The following SEZ6L variants were observed in gnomAD, a reference collection of about 807,000 sequenced individuals.
SEZ6L encodes the protein seizure related 6 homolog like.
A neutral mutation model predicts 106.2 loss-of-function variants in SEZ6L; 37 were observed. The observed-to-expected ratio is 0.35, with a 90% CI of 0.27 to 0.46. The LOEUF (loss-of-function observed/expected upper bound fraction) is 0.46. SEZ6L is among the 20% of genes least tolerant of loss of function. The pLI is 1.00. For synonymous variants in SEZ6L, 541 were observed against 570.4 expected, an observed-to-expected ratio of 0.95 and a Z score of 0.73; for missense variants, 1,172 against 1,332.8, an observed-to-expected ratio of 0.88 and a Z score of 1.88.
At position 26,340,618 on chromosome 22, in the gene SEZ6L, T is replaced by C; in HGVS notation, c.2198T>C (p.Ile733Thr). The C allele has an allele frequency of 6.2e-7, 1 of 1,613,700 alleles. No homozygotes were observed. The highest frequency in any genetic ancestry group is 8.5e-7 in the Non-Finnish European group (1 of 1,179,812). ...GLIFGKGQGF[I>T]MNYIEVSRND... ...ATCTTTGGAAAGGGCCAGGGATTTA[T>C]CATGAACTACATAGGTAGGTGTCTC... Residue 733 changes from isoleucine (I) to threonine (T), a missense_variant, in exon 10 of 17, where the codon ATC becomes ACC. Physicochemically the swap from Ile to Thr is moderately conservative, Grantham distance 89. This residue lies in a region of SEZ6L where 534 missense variants were observed against 691.0 expected (regional missense o/e 0.77). Transcript: ENST00000248933.
intron 1 of SEZ6L, among the ~76,000 whole-genome samples, chr22:26,256,461 G>A (rs75925535): frequency 0.13 from 19,812 of 152,258 alleles, 1,738 homozygotes; most frequent in East Asian, 0.35. Context: ...CCCATGGCTT[G>A]CTCTGTGCCA....
chr22:26,313,446 G>GTCC (rs1569458641), intron 8 of SEZ6L, among the ~76,000 whole-genome samples: 1 of 152,160 alleles, frequency 6.6e-6, no homozygotes, highest in Non-Finnish European at 1.5e-5. Flanking sequence ...AGCAGAGGCT[G>GTCC]TTGAGGAGTC....
chr22:26,270,434 C>G (rs1222333853), intron 1 of SEZ6L, among the ~76,000 whole-genome samples: 1 of 150,202 alleles, frequency 6.7e-6, no homozygotes, highest in Non-Finnish European at 1.5e-5. Context: ...ATTTGGGGAA[C>G]AGAGATGTTG....
At chr22:26,169,795 G>A in intron 1 of SEZ6L, 32 bp downstream of exon 1, 1 of 1,150,132 alleles carries the variant, frequency 8.7e-7, no homozygotes, top group Non-Finnish European at 1.1e-6. Flanking sequence ...GCGGGCAGGG[G>A]GCAAAGTTGC....
In SEZ6L at chr22:26,313,929, TAATTTGGCA is replaced by T. The variant is rs142767004; in HGVS notation, c.2015+30_2015+38del. The T allele has an allele frequency of 3.1e-3, 4,920 of 1,583,630 alleles. 132 individuals carry two copies. The East Asian group carries it at 0.062, about 20-fold the overall frequency. On this transcript the variant is annotated intron_variant, in intron 9 of 16. Coordinates refer to ENST00000248933, the MANE Select transcript of SEZ6L (RefSeq NM_021115.5). ...TGAGTGTTTAAAATGGGTGGCCCTCTAATTTGGCAAAATTTGGGAGATTGAGAAAGAAAT... is the reference window on the plus strand; with the variant it reads ...TGAGTGTTTAAAATGGGTGGCCCTCTAAATTTGGGAGATTGAGAAAGAAAT...
At chr22:26,205,846 CT>C (rs1260336870) in intron 1 of SEZ6L, among the ~76,000 whole-genome samples, 1 of 152,132 alleles carries the variant, frequency 6.6e-6, no homozygotes, top group African/African-American at 2.4e-5. Flanking sequence ...TTCCCAGTGA[CT>C]AGCTAGTAGT....
chr22:26,172,548 T>C (rs977223675), intron 1 of SEZ6L, among the ~76,000 whole-genome samples: 1 of 152,214 alleles, frequency 6.6e-6, no homozygotes, highest in African/African-American at 2.4e-5. Context: ...AGAGACAATT[T>C]ATCCAATATA....
chr22:26,334,035 C>A (rs1359969818), intron 9 of SEZ6L, among the ~76,000 whole-genome samples: 3 of 151,946 alleles, frequency 2.0e-5, no homozygotes, highest in African/African-American at 7.3e-5. Flanking sequence ...GGCGGCAATG[C>A]AAAAGATAGA....
intron 10 of SEZ6L, among the ~76,000 whole-genome samples, chr22:26,342,932 G>C (rs1027502726): frequency 6.6e-6 from 1 of 152,150 alleles, no homozygotes; most frequent in African/African-American, 2.4e-5. Flanking sequence ...TTTATTTCCA[G>C]ATGGTGAACA....
Position 26,381,055 on chromosome 22 carries a change from G to T in SEZ6L, c.*760G>T, listed in dbSNP as rs183208392. The T allele has an allele frequency of 6.6e-6, 1 of 152,220 alleles. No individual in the cohort carries two copies. Among genetic ancestry groups the T allele is most frequent in the Non-Finnish European group, 1.5e-5 (1 of 68,018 alleles). 9.4% of individuals were successfully genotyped at this position (152,220 alleles called of 1,614,324 possible). A position where few individuals can be genotyped will look rare whatever the true frequency, so the allele number is the denominator to read the frequency against. ...GGGGATCATTGGGTAAGGGAATTGG[G>T]TTAAAATGTTCTTTTCTTTGACACT... On this transcript the variant is annotated 3_prime_UTR_variant, in exon 17 of 17. Transcript: ENST00000248933.
At chr22:26,375,718 C>T in intron 15 of SEZ6L, 29 bp downstream of exon 15, 2 of 1,552,922 alleles carry the variant, frequency 1.3e-6, no homozygotes, top group Non-Finnish European at 1.8e-6. Context: ...AGATGACTGC[C>T]AAGCACCCAG....
At chr22:26,239,411 C>T (rs1260749617) in intron 1 of SEZ6L, among the ~76,000 whole-genome samples, 1 of 152,186 alleles carries the variant, frequency 6.6e-6, no homozygotes, top group Non-Finnish European at 1.5e-5. Context: ...GGTTCTGCAC[C>T]CTCTTGTTCA....
chr22:26,255,849 G>A (rs1030442570), intron 1 of SEZ6L, among the ~76,000 whole-genome samples: 5 of 152,206 alleles, frequency 3.3e-5, no homozygotes, highest in African/African-American at 7.2e-5. Flanking sequence ...CTCTGCCTTC[G>A]TGGAGCAGAC....
chr22:26,327,328 A>C (rs1165935356), intron 9 of SEZ6L, among the ~76,000 whole-genome samples: 35 of 124,988 alleles, frequency 2.8e-4, no homozygotes, highest in African/African-American at 9.2e-4. Context: ...CACCACACAC[A>C]CCCCCACACA....
chr22:26,289,298 C>T (rs1384459353), intron 1 of SEZ6L, among the ~76,000 whole-genome samples: 1 of 151,642 alleles, frequency 6.6e-6, no homozygotes, highest in Non-Finnish European at 1.5e-5. Flanking sequence ...CCACAGTCTA[C>T]AAAGATGGTC....
chr22:26,368,574 T>A (rs1197442240), intron 13 of SEZ6L, among the ~76,000 whole-genome samples: 1 of 151,812 alleles, frequency 6.6e-6, no homozygotes, highest in Admixed American at 6.6e-5. Flanking sequence ...GAAAGCAGAG[T>A]CGTGGTTGTC....
intron 1 of SEZ6L, among the ~76,000 whole-genome samples, chr22:26,178,129 G>A (rs1443682980): frequency 3.3e-5 from 5 of 152,206 alleles, no homozygotes; most frequent in South Asian, 4.1e-4. Context: ...TTACCCACAT[G>A]GGACATTTAC....
At chr22:26,294,907 TCC>T (rs2145889201) in intron 3 of SEZ6L, among the ~76,000 whole-genome samples, 16 of 145,104 alleles carry the variant, frequency 1.1e-4, no homozygotes, top group African/African-American at 4.2e-4. Flanking sequence ...CTTGCTTGCT[TCC>T]TGCTTTCTTG....
At chr22:26,245,524 C>G (rs1280654254) in intron 1 of SEZ6L, among the ~76,000 whole-genome samples, 1 of 152,162 alleles carries the variant, frequency 6.6e-6, no homozygotes, top group Non-Finnish European at 1.5e-5. Flanking sequence ...GGAAAATGGG[C>G]TGACCTGATG....
Sources: gnomAD v4.1 joint callset for allele counts (sites outside exome capture counted in the v4.1 genomes callset) on GRCh38, gnomAD v4.1.1 for gene constraint, gnomAD v4.1.1 regional missense constraint, MANE v1.5 for transcripts, NCBI Gene and HGNC (gene_info 2026-07-23, HGNC 2026-07-21) for gene names.